The following IGSF5 variants were observed in gnomAD, a reference collection of about 807,000 sequenced individuals.
IGSF5 encodes immunoglobulin superfamily member 5, also known as immunoglobulin superfamily 5 like.
IGSF5 carries 41 observed loss-of-function variants against 39.4 expected under a neutral mutation model. The observed-to-expected ratio is 1.04, with a 90% CI of 0.81 to 1.35. The LOEUF is 1.35. Among genes scored for constraint, IGSF5 ranks in the 40% most tolerant of loss-of-function variants. The pLI is 0.00. For missense variants in IGSF5, 487 were observed against 494.6 expected, an observed-to-expected ratio of 0.98 and a Z score of 0.15; for synonymous variants, 183 against 175.3, an observed-to-expected ratio of 1.04 and a Z score of -0.34.
intron 2 of IGSF5, among the ~76,000 whole-genome samples, chr21:39,757,629 T>C (rs1246937173): frequency 6.7e-6 from 1 of 148,786 alleles, no homozygotes; most frequent in African/African-American, 2.5e-5. Context: ...CAGGTTGGAG[T>C]GCAATGACGT....
intron 2 of IGSF5, among the ~76,000 whole-genome samples, chr21:39,746,652 G>A (rs1310516060): frequency 7.2e-6 from 1 of 138,396 alleles, no homozygotes; most frequent in Non-Finnish European, 1.5e-5. Context: ...TCTGGGTTCT[G>A]TTTGCTTGCT....
At chr21:39,720,069 T>C in the IGSF5 span, among the ~76,000 whole-genome samples, 3 of 152,222 alleles carry the variant, frequency 2.0e-5, no homozygotes, top group African/African-American at 4.8e-5. Context: ...CCCAACCTTT[T>C]TGACACCAGG....
rs375080495 is a variant in IGSF5 at position 39,793,891 on chromosome 21, G to A, written c.1128+278G>A. Among the ~76,000 whole-genome samples, 8 of 152,220 alleles carry A rather than the reference G, an allele frequency of 5.3e-5. No homozygotes were observed. The South Asian group carries it at 6.2e-4, about 12-fold the overall frequency. ...ATGCGACTTGATTTGGGACGTATCC[G>A]CCTGAGTTGGCATAAGAGTGAGCAG... is the stretch of plus-strand genomic sequence containing the variant. On this transcript the variant is annotated intron_variant, in intron 8 of 8. Transcript: ENST00000380588.
chr21:39,762,625 T>C (rs2080066845), intron 2 of IGSF5, among the ~76,000 whole-genome samples: 1 of 152,172 alleles, frequency 6.6e-6, no homozygotes, highest in Non-Finnish European at 1.5e-5. Flanking sequence ...CTTCAGAAGG[T>C]AATTTACCCC....
the IGSF5 span, among the ~76,000 whole-genome samples, chr21:39,731,061 G>A: frequency 2.0e-5 from 3 of 152,176 alleles, no homozygotes; most frequent in Non-Finnish European, 2.9e-5. Flanking sequence ...GCTGACACCC[G>A]AGGCCCATCA....
the IGSF5 span, among the ~76,000 whole-genome samples, chr21:39,715,455 T>G: frequency 1.3e-5 from 2 of 152,220 alleles, no homozygotes; most frequent in Admixed American, 1.3e-4. Flanking sequence ...GGCCTCTTTC[T>G]AAATGTAAAT....
chr21:39,714,860 A>T, the IGSF5 span, among the ~76,000 whole-genome samples: 2 of 152,130 alleles, frequency 1.3e-5, no homozygotes, highest in Non-Finnish European at 2.9e-5. Flanking sequence ...GGACTCCGAT[A>T]TATAATTTTG....
intron 5 of IGSF5, among the ~76,000 whole-genome samples, chr21:39,786,158 G>A: frequency 6.6e-6 from 1 of 151,498 alleles, no homozygotes. Context: ...ACTACCATCA[G>A]AGTGAACAGG....
chr21:39,786,345 A>G (rs1240165712), intron 5 of IGSF5, among the ~76,000 whole-genome samples: 1 of 149,060 alleles, frequency 6.7e-6, no homozygotes, highest in African/African-American at 2.5e-5. Flanking sequence ...CAGCCAAAAA[A>G]CACATGAAAA....
chr21:39,770,660 C>T (rs1290244184), intron 3 of IGSF5, among the ~76,000 whole-genome samples: 3 of 140,630 alleles, frequency 2.1e-5, no homozygotes, highest in Non-Finnish European at 4.9e-5. Context: ...TTTTATGAAG[C>T]ATTTTCTATG....
At chr21:39,740,644 A>C (rs2079944636), upstream of IGSF5, among the ~76,000 whole-genome samples, 1 of 152,202 alleles carries the variant, frequency 6.6e-6, no homozygotes, top group Non-Finnish European at 1.5e-5. Flanking sequence ...TTCCATCAGT[A>C]TACAAGTTAG....
chr21:39,792,129 C>T (rs1307204467), intron 7 of IGSF5, 30 bp downstream of exon 7: 2 of 1,480,962 alleles, frequency 1.4e-6, no homozygotes, highest in Non-Finnish European at 1.9e-6. Flanking sequence ...GGTGAAAAGA[C>T]CTGGGAAAGA....
At chr21:39,770,865 A>G in intron 3 of IGSF5, 51 bp from the exon 4 acceptor site, 1 of 1,234,164 alleles carries the variant, frequency 8.1e-7, no homozygotes, top group Non-Finnish European at 1.1e-6. Context: ...AAAACTTAGA[A>G]GCGAGAGGCA....
the IGSF5 span, among the ~76,000 whole-genome samples, chr21:39,737,196 C>A: frequency 9.1e-4 from 137 of 149,970 alleles, 1 homozygote; most frequent in East Asian, 0.012. Flanking sequence ...AAAAAAAAAA[C>A]CCCTCACCAC....
Position 39,775,523 on chromosome 21 carries a change from C to G in IGSF5, c.719-3567C>G, listed in dbSNP as rs917649797. Among the ~76,000 whole-genome samples, 6 of 152,140 alleles carry G rather than the reference C, an allele frequency of 3.9e-5. No individual in the cohort carries two copies. In the East Asian group the frequency reaches 1.2e-3, roughly 29 times the overall value. ...AGAAATTCTATACCTTTTTAAAACT[C>G]TATGCATTCCTTTGAGAGCATCTGG... is the stretch of plus-strand genomic sequence containing the variant. On this transcript the variant is annotated intron_variant, in intron 4 of 8. Transcript: ENST00000380588.
the IGSF5 span, chr21:39,725,802 A>G: frequency 1.3e-5 from 2 of 152,184 alleles, no homozygotes; most frequent in Admixed American, 1.3e-4. Context: ...GGCCTAATTA[A>G]TTGTGTGCAA....
At chr21:39,731,141 C>T in the IGSF5 span, among the ~76,000 whole-genome samples, 1 of 152,202 alleles carries the variant, frequency 6.6e-6, no homozygotes, top group African/African-American at 2.4e-5. Context: ...CCCATAGCCT[C>T]CCCTATCAGC....
At chr21:39,782,298 C>A (rs756707542) in intron 5 of IGSF5, among the ~76,000 whole-genome samples, 5 of 152,120 alleles carry the variant, frequency 3.3e-5, no homozygotes, top group Non-Finnish European at 7.4e-5. Flanking sequence ...TTTTAGTGTT[C>A]TTCTGGCTAG....
chr21:39,761,826 A>T (rs368271903), intron 2 of IGSF5, among the ~76,000 whole-genome samples: 4,013 of 152,126 alleles, frequency 0.026, 184 homozygotes, highest in African/African-American at 0.09. Flanking sequence ...ATGCTAACAC[A>T]CACGGCTATT....
Sources: allele counts gnomAD v4.1 joint callset (sites outside exome capture counted in the v4.1 genomes callset), GRCh38; gene constraint gnomAD v4.1.1; transcripts MANE v1.5; gene names NCBI Gene and HGNC (gene_info 2026-07-23, HGNC 2026-07-21).